LINGO2: variants seen among roughly 807,000 people sequenced by gnomAD.
The protein encoded by LINGO2 is leucine-rich repeat and immunoglobulin-like domain-containing nogo receptor-interacting protein 2.
In LINGO2, 14 loss-of-function variants were observed where a neutral mutation model predicts 30.6. That is an observed-to-expected ratio of 0.46 (90% confidence interval 0.30 to 0.72). The LOEUF (loss-of-function observed/expected upper bound fraction) is 0.72. LINGO2 is among the 30% of genes least tolerant of loss of function. LINGO2 has a pLI of 0.07. For missense variants in LINGO2, 729 were observed against 751.7 expected (o/e 0.97, Z 0.35); for synonymous variants, 317 against 288.5 (o/e 1.10, Z -1.00).
the LINGO2 span, among the ~76,000 whole-genome samples, chr9:28,892,645 T>G: frequency 3.5e-4 from 53 of 151,980 alleles, no homozygotes; most frequent in African/African-American, 1.2e-3. Context: ...TGAAAATGAT[T>G]ATACCAACAC....
At chr9:28,348,087 G>T (rs1819663288) in intron 3 of LINGO2, among the ~76,000 whole-genome samples, 1 of 152,144 alleles carries the variant, frequency 6.6e-6, no homozygotes, top group South Asian at 2.1e-4. Flanking sequence ...TATAAGCAGT[G>T]ATTGTAATCT....
intron 1 of LINGO2, among the ~76,000 whole-genome samples, chr9:28,664,539 A>T (rs901967984): frequency 1.3e-5 from 2 of 152,140 alleles, no homozygotes; most frequent in Non-Finnish European, 2.9e-5. Flanking sequence ...TAAGATAAAA[A>T]GGAGAAGAAT....
At chr9:28,940,468 G>GTT in the LINGO2 span, among the ~76,000 whole-genome samples, 486 of 151,754 alleles carry the variant, frequency 3.2e-3, no homozygotes, top group Non-Finnish European at 4.6e-3. Context: ...CACCCCATAT[G>GTT]TTTTTTTTAA....
chr9:28,343,777 A>G (rs1000126609), intron 3 of LINGO2, among the ~76,000 whole-genome samples: 1 of 152,174 alleles, frequency 6.6e-6, no homozygotes, highest in African/African-American at 2.4e-5. Context: ...GACACATATG[A>G]AGAGTTTCTA....
intron 4 of LINGO2, among the ~76,000 whole-genome samples, chr9:28,213,233 T>C (rs2133866613): frequency 6.6e-6 from 1 of 151,342 alleles, no homozygotes; most frequent in East Asian, 1.9e-4. Context: ...TCCTAGAGAG[T>C]TCAATTTGTT....
the LINGO2 span, among the ~76,000 whole-genome samples, chr9:28,817,933 AC>A: frequency 3.9e-5 from 6 of 152,156 alleles, no homozygotes; most frequent in Non-Finnish European, 8.8e-5. Flanking sequence ...TTCTCTTTTA[AC>A]AGGTTTCACT....
the LINGO2 span, among the ~76,000 whole-genome samples, chr9:29,055,940 G>GTATATATCTATATGTGTATATA: frequency 8.3e-6 from 1 of 119,982 alleles, no homozygotes; most frequent in Non-Finnish European, 1.8e-5. Flanking sequence ...ATGTGTGTGT[G>GTATATATCTATATGTGTATATA]TATATATACA....
the LINGO2 span, among the ~76,000 whole-genome samples, chr9:28,989,189 G>A: frequency 6.6e-6 from 1 of 152,054 alleles, no homozygotes; most frequent in Non-Finnish European, 1.5e-5. Flanking sequence ...TGTCCAGTGG[G>A]CTCACAATCT....
intron 4 of LINGO2, among the ~76,000 whole-genome samples, chr9:28,193,876 T>C (rs1415701595): frequency 6.6e-6 from 1 of 152,216 alleles, no homozygotes; most frequent in Non-Finnish European, 1.5e-5. Context: ...AGAGTCTCTC[T>C]AGGCTAGTTT....
the LINGO2 span, among the ~76,000 whole-genome samples, chr9:29,211,557 C>CCTTCTCTTCT: frequency 5.5e-3 from 827 of 150,862 alleles, 8 homozygotes; most frequent in African/African-American, 0.018. Context: ...TCCTTCTCAT[C>CCTTCTCTTCT]CTTCTCTTCT....
chr9:28,134,825 C>T (rs1202011283), intron 4 of LINGO2, among the ~76,000 whole-genome samples: 1 of 152,102 alleles, frequency 6.6e-6, no homozygotes, highest in Non-Finnish European at 1.5e-5. Context: ...TTTATGACAA[C>T]GGCAGTGAAG....
the LINGO2 span, among the ~76,000 whole-genome samples, chr9:28,992,083 G>C: frequency 2.0e-5 from 3 of 152,138 alleles, no homozygotes; most frequent in African/African-American, 7.2e-5. Flanking sequence ...GTTGGATAAA[G>C]ACTCAAGACC....
chr9:28,025,559 T>C (rs1325681933), intron 4 of LINGO2, among the ~76,000 whole-genome samples: 1 of 152,212 alleles, frequency 6.6e-6, no homozygotes, highest in Non-Finnish European at 1.5e-5. Flanking sequence ...AACAAGCTTA[T>C]TATCTGTATC....
At chr9:28,888,202 C>T in the LINGO2 span, among the ~76,000 whole-genome samples, 1 of 152,018 alleles carries the variant, frequency 6.6e-6, no homozygotes, top group African/African-American at 2.4e-5. Context: ...TTACTATATT[C>T]CTCCTTCAGT....
At position 28,051,227 on chromosome 9, in the gene LINGO2, C is replaced by CTT. The variant is rs1207391891; in HGVS notation, c.-86-38823_-86-38822insAA. 4.0e-4 allele frequency among the ~76,000 whole-genome samples: 56 copies of CTT among 141,034 alleles called. No homozygotes were observed. In the East Asian group the frequency reaches 9.0e-3, roughly 23 times the overall value. 92.5% of individuals were successfully genotyped at this position (141,034 alleles called of 152,430 possible). A position where few individuals can be genotyped will look rare whatever the true frequency, so the allele number is the denominator to read the frequency against. On this transcript the variant is annotated intron_variant, in intron 4 of 5. Transcript: ENST00000379992. ...ACACCATCAGCTAGTATAGTTTTCT[C>CTT]CAAAGTGAAGACTGAAAACTATCAG...
chr9:28,663,094 T>C (rs1482563119), intron 1 of LINGO2, among the ~76,000 whole-genome samples: 1 of 152,050 alleles, frequency 6.6e-6, no homozygotes, highest in Non-Finnish European at 1.5e-5. Flanking sequence ...AAAAAAGTCA[T>C]CTAAATTCAT....
intron 3 of LINGO2, among the ~76,000 whole-genome samples, chr9:28,340,330 T>C (rs1236906497): frequency 1.3e-5 from 2 of 152,180 alleles, no homozygotes; most frequent in Admixed American, 6.6e-5. Context: ...TACTGCTAGC[T>C]GATTTGATGC....
At position 28,544,448 on chromosome 9, in the gene LINGO2, T is replaced by C. The variant is rs144053916; in HGVS notation, c.-364-68423A>G. On this transcript the variant is annotated intron_variant, in intron 1 of 5. Coordinates refer to ENST00000379992, the Ensembl canonical transcript of LINGO2. ...CCTTTGTAACCCACACTGACTGATA[T>C]ACCAGGTACACCGAACCCTCTCTGT... Among the ~76,000 whole-genome samples the C allele has an allele frequency of 9.6e-3, 1,455 of 152,146 alleles. 10 individuals carry two copies. Among genetic ancestry groups the C allele is most frequent in the Middle Eastern group, 0.02 (6 of 294 alleles).
intron 1 of LINGO2, among the ~76,000 whole-genome samples, chr9:28,528,928 A>C (rs1391604087): frequency 1.3e-5 from 2 of 152,176 alleles, no homozygotes; most frequent in Non-Finnish European, 2.9e-5. Flanking sequence ...AAAATTCAAT[A>C]TCATTACTTT....
Sources: gnomAD v4.1 joint callset for allele counts (sites outside exome capture counted in the v4.1 genomes callset) on GRCh38, gnomAD v4.1.1 for gene constraint, MANE v1.5 for transcripts, NCBI Gene and HGNC (gene_info 2026-07-23, HGNC 2026-07-21) for gene names.